EFL1: variants seen among roughly 807,000 people sequenced by gnomAD.
EFL1 encodes elongation factor like GTPase 1.
A neutral mutation model predicts 126.7 loss-of-function variants in EFL1; 76 were observed. The ratio of observed to expected loss-of-function variants is 0.60; its 90% confidence interval spans 0.50 to 0.73. The LOEUF is 0.73. Ranked by LOEUF, EFL1 falls within the 30% of genes least tolerant of loss-of-function variation. The pLI, the probability that EFL1 is intolerant of heterozygous loss-of-function variation, is 0.00. For missense variants in EFL1, 1,128 were observed against 1,343.2 expected, an observed-to-expected ratio of 0.84 and a Z score of 2.50; for synonymous variants, 410 against 448.4, an observed-to-expected ratio of 0.91 and a Z score of 1.08.
Position 82,225,220 on chromosome 15 carries a change from A to G in EFL1, c.1237T>C (p.Phe413Leu). ...TCAACTGCAAACATTTTGGAAACAA[A>G]TATAATAACTGGAGCAGTGTCCTCA... ...GSEDTAPVII[F>L]VSKMFAVDAK... The change falls in exon 12 of 20, where the codon TTT (phenylalanine) becomes CTT (leucine). Residue 413 changes from phenylalanine to leucine, a missense_variant. Around this residue, in one of 6 missense-constraint regions of EFL1, gnomAD observed 316 missense variants for 318.5 expected, o/e 0.99. Coordinates refer to ENST00000268206, the MANE Select transcript of EFL1 (RefSeq NM_024580.6). 1 of 1,613,002 alleles carries G rather than the reference A, an allele frequency of 6.2e-7. No homozygotes were observed. Among genetic ancestry groups the G allele is most frequent in the Non-Finnish European group, 8.5e-7 (1 of 1,179,694 alleles).
intron 18 of EFL1, among the ~76,000 whole-genome samples, chr15:82,148,474 ATGTCT>A (rs1298931327): frequency 6.6e-6 from 1 of 152,192 alleles, no homozygotes; most frequent in Non-Finnish European, 1.5e-5. Context: ...ATAAGGAGAC[ATGTCT>A]TGTCTACAAC....
At chr15:82,216,346 A>G in intron 14 of EFL1, among the ~76,000 whole-genome samples, 1 of 152,206 alleles carries the variant, frequency 6.6e-6, no homozygotes, top group Admixed American at 6.5e-5. Context: ...TCGAAGCCTC[A>G]ACAGGGCTTT....
At position 82,261,768 on chromosome 15, in the gene EFL1, T is replaced by C. The variant is rs781182273; in HGVS notation, c.11A>G (p.Asn4Ser). The change falls in exon 2 of 20, where the codon AAC becomes AGC. Residue 4 changes from asparagine (N) to serine (S), a missense_variant. Asn to Ser is a conservative substitution (Grantham distance 46, BLOSUM62 1). Transcript: ENST00000268206. MVLNSLDKMIQLQK... is the reference protein window; with the variant it reads MVLSSLDKMIQLQK... ...GAGTTGAATCATCTTATCCAAACTGTTGAGCACCATGATTACTTATTTCCT... is the reference window on the plus strand; with the variant it reads ...GAGTTGAATCATCTTATCCAAACTGCTGAGCACCATGATTACTTATTTCCT... 1.2e-6 allele frequency: 2 copies of C among 1,613,816 alleles called. No individual in the cohort carries two copies. Among genetic ancestry groups the C allele is most frequent in the Middle Eastern group, 1.7e-4 (1 of 6,060 alleles).
intron 6 of EFL1, among the ~76,000 whole-genome samples, chr15:82,239,105 A>G (rs560712130): frequency 6.6e-6 from 1 of 152,270 alleles, no homozygotes; most frequent in South Asian, 2.1e-4. Flanking sequence ...TTCTCCTGCC[A>G]ATGCAGGGCA....
chr15:82,255,141 G>A (rs758477892), intron 3 of EFL1, among the ~76,000 whole-genome samples: 12 of 152,124 alleles, frequency 7.9e-5, no homozygotes, highest in African/African-American at 1.7e-4. Flanking sequence ...GGAATAGTGC[G>A]TTTCTTGATC....
rs2074794454 is a variant in EFL1 at position 82,229,091 on chromosome 15, AAAG to A, written c.872_874del (p.Pro291del). 1 of 1,611,308 alleles carries A rather than the reference AAAG, an allele frequency of 6.2e-7. No homozygotes were observed. Among genetic ancestry groups the A allele is most frequent in the South Asian group, 1.1e-5 (1 of 90,694 alleles). On this transcript the variant is annotated inframe_deletion, in exon 9 of 20. Coordinates refer to ENST00000268206, the MANE Select transcript of EFL1 (RefSeq NM_024580.6). ...ATTTTCCAGGATCAACTGTACAAAT[AAAG>A]GTTTCTTTCCTTTGGCCTGTACAAA...
At chr15:82,247,561 G>A (rs1415399252) in intron 4 of EFL1, among the ~76,000 whole-genome samples, 2 of 152,086 alleles carry the variant, frequency 1.3e-5, no homozygotes, top group Non-Finnish European at 2.9e-5. Flanking sequence ...GGAACAAAAA[G>A]AATGGCAATC....
chr15:82,195,385 G>A (rs1159905550), intron 15 of EFL1, among the ~76,000 whole-genome samples: 1 of 152,126 alleles, frequency 6.6e-6, no homozygotes, highest in Non-Finnish European at 1.5e-5. Context: ...TCATGTCTGG[G>A]CAGATTAATA....
chr15:82,252,670 T>C, intron 4 of EFL1, 21 bp downstream of exon 4: 4 of 1,590,724 alleles, frequency 2.5e-6, no homozygotes, highest in Non-Finnish European at 3.5e-6. Flanking sequence ...CTGTGTTTCG[T>C]TAAAACACAG....
intron 19 of EFL1, among the ~76,000 whole-genome samples, chr15:82,134,983 A>G (rs1485074464): frequency 3.9e-5 from 6 of 152,232 alleles, no homozygotes; most frequent in Non-Finnish European, 8.8e-5. Context: ...GTGAGAAGCC[A>G]TATCTCAACA....
chr15:82,243,725 A>C (rs1208947214), intron 4 of EFL1, among the ~76,000 whole-genome samples: 8 of 141,412 alleles, frequency 5.7e-5, no homozygotes, highest in Non-Finnish European at 9.1e-5. Flanking sequence ...CTTTTAGGGA[A>C]TAGTCAGAAA....
At chr15:82,254,848 C>T (rs537165938) in intron 3 of EFL1, among the ~76,000 whole-genome samples, 61 of 152,258 alleles carry the variant, frequency 4.0e-4, no homozygotes, top group African/African-American at 1.3e-3. Flanking sequence ...GTGCTTAGGG[C>T]TAAGGAGTTG....
At chr15:82,168,858 C>T (rs1023484012) in intron 15 of EFL1, among the ~76,000 whole-genome samples, 1 of 152,156 alleles carries the variant, frequency 6.6e-6, no homozygotes, top group Non-Finnish European at 1.5e-5. Context: ...AGAGAAACTA[C>T]CCAGTAAAAT....
At chr15:82,130,863 A>AAC (rs1567033542) in intron 19 of EFL1, among the ~76,000 whole-genome samples, 2 of 143,048 alleles carry the variant, frequency 1.4e-5, no homozygotes, top group African/African-American at 2.6e-5. Context: ...ACAACAACAA[A>AAC]AATTAGCTGG....
At chr15:82,130,650 G>A in intron 19 of EFL1, 89 bp from the exon 20 acceptor site, 2 of 1,398,194 alleles carry the variant, frequency 1.4e-6, no homozygotes, top group East Asian at 4.6e-5. Flanking sequence ...TATAGTCTTA[G>A]CTAATGAAAA....
chr15:82,151,357 C>T (rs2073904567), intron 18 of EFL1, 108 bp downstream of exon 18: 6 of 1,103,630 alleles, frequency 5.4e-6, no homozygotes, highest in Non-Finnish European at 7.8e-6. Context: ...CACTGCACTC[C>T]AGCTGGGGCG....
rs538638476 is a variant in EFL1 at position 82,160,873 on chromosome 15, T to C, written c.1882+2980A>G. Among the ~76,000 whole-genome samples, 12 of 152,174 alleles carry C rather than the reference T, an allele frequency of 7.9e-5. No homozygotes were observed. In the South Asian group the frequency reaches 2.5e-3, roughly 32 times the overall value. ...CATGTGAAGATGAGAATAAAAAGAG[T>C]ATCCTAATAAACAGGGCTTTTGGGA... On this transcript the variant is annotated intron_variant, in intron 16 of 19. Transcript: ENST00000268206.
At chr15:82,247,183 A>C (rs1410773867) in intron 4 of EFL1, among the ~76,000 whole-genome samples, 1 of 152,122 alleles carries the variant, frequency 6.6e-6, no homozygotes, top group Non-Finnish European at 1.5e-5. Context: ...AATCAGGTGA[A>C]AGAAAGAGCT....
intron 15 of EFL1, among the ~76,000 whole-genome samples, chr15:82,211,595 G>GAGACACACACAC (rs2074590209): frequency 9.5e-6 from 1 of 105,770 alleles, no homozygotes; most frequent in African/African-American, 4.1e-5. Context: ...ACACATACTA[G>GAGACACACACAC]ACACACACAC....
Sources: gnomAD v4.1 joint callset for allele counts (sites outside exome capture counted in the v4.1 genomes callset) on GRCh38, gnomAD v4.1.1 for gene constraint, gnomAD v4.1.1 regional missense constraint, MANE v1.5 for transcripts, NCBI Gene and HGNC (gene_info 2026-07-23, HGNC 2026-07-21) for gene names.